Variants in TMIE observed in about 807,000 individuals in gnomAD.
TMIE encodes transmembrane inner ear expressed protein.
A neutral mutation model predicts 16.8 loss-of-function variants in TMIE; 14 were observed. The observed-to-expected ratio is 0.83, with a 90% CI of 0.55 to 1.30. TMIE has a LOEUF of 1.30. Ranked by LOEUF, TMIE falls within the 50% of genes most tolerant of loss-of-function variation. The pLI, the probability that TMIE is intolerant of heterozygous loss-of-function variation, is 0.00. For synonymous variants in TMIE, 75 were observed against 87.2 expected (o/e 0.86, Z 0.78); for missense variants, 204 against 205.9 (o/e 0.99, Z 0.06).
At chr3:46,700,641 C>T (rs1700459495), upstream of TMIE, among the ~76,000 whole-genome samples, 1 of 152,202 alleles carries the variant, frequency 6.6e-6, no homozygotes, top group African/African-American at 2.4e-5. Context: ...TACATCTCCT[C>T]AGAACCTCCC....
intron 1 of TMIE, among the ~76,000 whole-genome samples, chr3:46,696,288 C>T (rs1429391035): frequency 2.0e-5 from 3 of 152,216 alleles, no homozygotes; most frequent in African/African-American, 7.2e-5. Flanking sequence ...GGAACACACA[C>T]GTATGTGAAT....
At chr3:46,707,001 A>G (rs1700560149) in intron 2 of TMIE, among the ~76,000 whole-genome samples, 1 of 152,204 alleles carries the variant, frequency 6.6e-6, no homozygotes, top group Non-Finnish European at 1.5e-5. Flanking sequence ...TGGCACCAGA[A>G]GTGCTGTCCC....
At chr3:46,694,317 C>T (rs1268056130), upstream of TMIE, among the ~76,000 whole-genome samples, 1 of 152,192 alleles carries the variant, frequency 6.6e-6, no homozygotes, top group Admixed American at 6.5e-5. Context: ...TGTGCGAAGG[C>T]CTGAGACCTT....
At chr3:46,694,873 T>C (rs1366304963) in intron 1 of TMIE, among the ~76,000 whole-genome samples, 1 of 152,100 alleles carries the variant, frequency 6.6e-6, no homozygotes, top group South Asian at 2.1e-4. Context: ...CCGCCCTAGC[T>C]CTGGCCTCCC....
chr3:46,704,532 G>A (rs112496762), intron 1 of TMIE, among the ~76,000 whole-genome samples: 24,863 of 112,624 alleles, frequency 0.22, 3,061 homozygotes, highest in South Asian at 0.35. Context: ...GGGCAGGACC[G>A]TGTCCCCTAG....
At chr3:46,705,435 G>A (rs1267657510) in intron 1 of TMIE, among the ~76,000 whole-genome samples, 1 of 152,180 alleles carries the variant, frequency 6.6e-6, no homozygotes, top group East Asian at 1.9e-4. Flanking sequence ...CTTGTCTCTG[G>A]CCTTGGTCCT....
intron 1 of TMIE, among the ~76,000 whole-genome samples, chr3:46,704,649 TA>T (rs1328842840): frequency 7.1e-6 from 1 of 140,602 alleles, no homozygotes; most frequent in Admixed American, 7.1e-5. Context: ...CCATGTCCCC[TA>T]GACACCCAGG....
In TMIE at chr3:46,701,541, C is replaced by A. The variant is rs1304592705; in HGVS notation, c.54C>A (p.Leu18=). 15 of 1,293,420 alleles carry A rather than the reference C, an allele frequency of 1.2e-5. No homozygotes were observed. Among genetic ancestry groups the A allele is most frequent in the Non-Finnish European group, 1.5e-5 (15 of 1,023,442 alleles). The allele number at this position is 1,293,420 out of a possible 1,614,324, so 80.1% of individuals were successfully genotyped here. A position where few individuals can be genotyped will look rare whatever the true frequency, so the allele number is the denominator to read the frequency against. The part of the protein sequence containing the change: ...GPLCVLGGAA[L]GVCLAGVAGQ... ...TCTGCGTGCTGGGCGGCGCCGCACT[C>A]GGGGTGTGCCTCGCGGGGGTTGCCG... The change falls in exon 1 of 4, where the codon CTC becomes CTA. Residue 18 remains leucine (L), a synonymous_variant. Transcript: ENST00000643606. This position sits in a 1 kb window ranked among gnomAD's most constrained non-coding sequence, Gnocchi z 4.3.
chr3:46,701,582 T>C lies in TMIE; in HGVS notation c.93+2T>C. ...GGGGTTGCCGGGCAGCTGGTGGAGG[T>C]GAGGCCGCGGCACGGAGGGACTGGG... is the stretch of plus-strand genomic sequence containing the variant. On this transcript the variant is annotated splice_donor_variant, in intron 1 of 3. Transcript: ENST00000643606. LOFTEE classifies it high-confidence loss of function. The surrounding 1 kb of genome is among the most constrained non-coding windows in gnomAD (Gnocchi z 4.3). 1 of 1,281,318 alleles carries C rather than the reference T, an allele frequency of 7.8e-7. No homozygotes were observed. Among genetic ancestry groups the C allele is most frequent in the Non-Finnish European group, 9.8e-7 (1 of 1,017,690 alleles). 79.4% of individuals were successfully genotyped at this position (1,281,318 alleles called of 1,614,324 possible). A position where few individuals can be genotyped will look rare whatever the true frequency, so the allele number is the denominator to read the frequency against.
intron 1 of TMIE, among the ~76,000 whole-genome samples, chr3:46,694,936 G>T (rs1700370243): frequency 6.6e-6 from 1 of 152,126 alleles, no homozygotes; most frequent in Non-Finnish European, 1.5e-5. Context: ...TGCCTGAGGG[G>T]CTCCACTCCC....
upstream of TMIE, among the ~76,000 whole-genome samples, chr3:46,693,885 C>G (rs1056296368): frequency 6.6e-6 from 1 of 152,048 alleles, no homozygotes; most frequent in Non-Finnish European, 1.5e-5. Context: ...TCTGGCGTCC[C>G]CCGGGATCCG....
At chr3:46,704,711 C>T (rs540692291) in intron 1 of TMIE, among the ~76,000 whole-genome samples, 3 of 146,178 alleles carry the variant, frequency 2.1e-5, no homozygotes, top group African/African-American at 7.5e-5. Context: ...CACTAGACAC[C>T]CAGGGTGGAC....
rs760117868 is a variant in TMIE, at chr3:46,710,801, G to A, written c.*1113G>A. ...ACCTAGGCCTGAACACTAAGGTCTCGAGACACCAGAGGTTTCTGAGCCAGG... is the reference window on the plus strand; with the variant it reads ...ACCTAGGCCTGAACACTAAGGTCTCAAGACACCAGAGGTTTCTGAGCCAGG... On this transcript the variant is annotated 3_prime_UTR_variant, in exon 4 of 4. Coordinates refer to ENST00000643606, the MANE Select transcript of TMIE (RefSeq NM_147196.3). The A allele has an allele frequency of 7.9e-5, 12 of 152,184 alleles. No individual in the cohort carries two copies. The highest frequency in any genetic ancestry group is 1.2e-4 in the Non-Finnish European group (8 of 68,030). 9.4% of individuals were successfully genotyped at this position (152,184 alleles called of 1,614,324 possible). A position where few individuals can be genotyped will look rare whatever the true frequency, so the allele number is the denominator to read the frequency against.
chr3:46,704,412 G>A (rs548434881), intron 1 of TMIE, among the ~76,000 whole-genome samples: 83 of 147,076 alleles, frequency 5.6e-4, no homozygotes, highest in African/African-American at 1.7e-3. Context: ...TAGAGACCCA[G>A]GGTGGACCAT....
In TMIE at chr3:46,707,129, G is replaced by A. The variant is rs1193526852; in HGVS notation, c.211+1222G>A. Among the ~76,000 whole-genome samples, 6 of 152,366 alleles carry A rather than the reference G, an allele frequency of 3.9e-5. No individual in the cohort carries two copies. The East Asian group carries it at 1.2e-3, about 29-fold the overall frequency. On this transcript the variant is annotated intron_variant, in intron 2 of 3. Coordinates refer to ENST00000643606, the MANE Select transcript of TMIE (RefSeq NM_147196.3). ...CATCTTTGTGGAGGCCCCACAGACA[G>A]ATAGGTGTGCCTGCAGCCTCAGCCA...
chr3:46,698,768 A>G (rs1264108121), upstream of TMIE, among the ~76,000 whole-genome samples: 1 of 152,204 alleles, frequency 6.6e-6, no homozygotes, highest in Non-Finnish European at 1.5e-5. Flanking sequence ...AAGTTTGTTT[A>G]AATTCTCTTA....
upstream of TMIE, among the ~76,000 whole-genome samples, chr3:46,701,002 G>A (rs550161379): frequency 1.1e-4 from 16 of 151,750 alleles, no homozygotes; most frequent in East Asian, 3.1e-3. This position sits in a 1 kb window ranked among gnomAD's most constrained non-coding sequence, Gnocchi z 4.3. Flanking sequence ...ATCCCTGAGC[G>A]CCTGTCACCA....
chr3:46,701,243 T>G, upstream of TMIE: 1 of 392,842 alleles, frequency 2.5e-6, no homozygotes, highest in African/African-American at 2.1e-5. This position sits in a 1 kb window ranked among gnomAD's most constrained non-coding sequence, Gnocchi z 4.3. Context: ...TCCCTGGGGA[T>G]GCGGAAGGTG....
chr3:46,699,116 A>G (rs1257726928), upstream of TMIE, among the ~76,000 whole-genome samples: 3 of 115,882 alleles, frequency 2.6e-5, no homozygotes, highest in Non-Finnish European at 4.9e-5. Flanking sequence ...GTTGCTGCCC[A>G]GGCTGGAGTG....
Sources: allele counts gnomAD v4.1 joint callset (sites outside exome capture counted in the v4.1 genomes callset), GRCh38; gene constraint gnomAD v4.1.1; non-coding constraint Gnocchi (gnomAD v3.1); transcripts MANE v1.5; gene names NCBI Gene and HGNC (gene_info 2026-07-23, HGNC 2026-07-21).